NFAT5: variants seen among roughly 807,000 people sequenced by gnomAD.
NFAT5 encodes the protein nuclear factor of activated T cells 5.
Under a neutral mutation model 166.5 loss-of-function variants are expected in NFAT5, and 31 were observed. The observed-to-expected ratio is 0.19, with a 90% CI of 0.14 to 0.25. The LOEUF (loss-of-function observed/expected upper bound fraction) is 0.25. Ranked by LOEUF, NFAT5 falls within the 10% of genes least tolerant of loss-of-function variation. NFAT5 has a pLI of 1.00. For missense variants in NFAT5, 1,449 were observed against 1,821.8 expected (o/e 0.80, Z 3.72); for synonymous variants, 612 against 639.7 (o/e 0.96, Z 0.65).
At chr16:69,604,986 A>C (rs1210666655) in intron 2 of NFAT5, among the ~76,000 whole-genome samples, 1 of 152,200 alleles carries the variant, frequency 6.6e-6, no homozygotes, top group East Asian at 1.9e-4. Context: ...CCTTCTGGCC[A>C]TTGTGAATAG....
At chr16:69,603,938 C>A (rs1436140683) in intron 2 of NFAT5, among the ~76,000 whole-genome samples, 1 of 152,122 alleles carries the variant, frequency 6.6e-6, no homozygotes, top group African/African-American at 2.4e-5. Context: ...AAATTTCCAA[C>A]AACATTAATT....
chr16:69,635,683 G>A (rs1042263923), intron 3 of NFAT5, among the ~76,000 whole-genome samples: 5 of 152,184 alleles, frequency 3.3e-5, no homozygotes, highest in Non-Finnish European at 5.9e-5. Context: ...TGAGGAAGAA[G>A]CAAAAGCAGA....
At chr16:69,675,624 C>G (rs1028894102) in intron 9 of NFAT5, among the ~76,000 whole-genome samples, 3 of 152,080 alleles carry the variant, frequency 2.0e-5, no homozygotes, top group Admixed American at 1.3e-4. Context: ...AAATTAGAAG[C>G]TAGTTTTTTG....
chr16:69,576,456 A>C lies in NFAT5; in HGVS notation c.127+7908A>C, dbSNP rs968808689. Among the ~76,000 whole-genome samples, 16 of 152,294 alleles carry C rather than the reference A, an allele frequency of 1.1e-4. 2 individuals are homozygous for C. Among genetic ancestry groups the C allele is most frequent in the East Asian group, 3.9e-4 (2 of 5,186 alleles). On this transcript the variant is annotated intron_variant, in intron 2 of 14. Transcript: ENST00000349945. ...GACAAATTTTATAAACTACATACAAAAATTCATAAAGAATATGATTATGAC... is the reference window on the plus strand; with the variant it reads ...GACAAATTTTATAAACTACATACAACAATTCATAAAGAATATGATTATGAC...
chr16:69,663,906 T>A (rs2036253248), intron 7 of NFAT5, among the ~76,000 whole-genome samples: 1 of 151,876 alleles, frequency 6.6e-6, no homozygotes, highest in South Asian at 2.1e-4. Context: ...AAAGAAAAAA[T>A]TTTCATATCT....
At position 69,677,768 on chromosome 16, in the gene NFAT5, C is replaced by A. The variant is rs375942489; in HGVS notation, c.1690+433C>A. ...GTGACAGGTGATAAAATAAAAAATC[C>A]CAAAGACTGATGGTGAATAAATATT... is the stretch of plus-strand genomic sequence containing the variant. On this transcript the variant is annotated intron_variant, in intron 10 of 14. Coordinates refer to ENST00000349945, the MANE Select transcript of NFAT5 (RefSeq NM_138713.4). 3.2e-4 allele frequency among the ~76,000 whole-genome samples: 48 copies of A among 152,150 alleles called. No individual in the cohort carries two copies. In the South Asian group the frequency reaches 4.4e-3, roughly 14 times the overall value.
chr16:69,660,036 A>C, intron 7 of NFAT5, 137 bp downstream of exon 7: 1 of 740,990 alleles, frequency 1.3e-6, no homozygotes, highest in Non-Finnish European at 2.1e-6. Flanking sequence ...TTTTAAAAGC[A>C]GTAGTCAGAT....
intron 13 of NFAT5, among the ~76,000 whole-genome samples, chr16:69,694,550 T>C (rs1023303001): frequency 6.6e-6 from 1 of 152,218 alleles, no homozygotes; most frequent in Non-Finnish European, 1.5e-5. Context: ...CCACCACACC[T>C]GTCCTGTATA....
intron 2 of NFAT5, among the ~76,000 whole-genome samples, chr16:69,615,374 C>T (rs1001015184): frequency 3.9e-5 from 6 of 152,076 alleles, no homozygotes; most frequent in Non-Finnish European, 8.8e-5. Context: ...GATATGCCCC[C>T]GTAATTCTTT....
chr16:69,652,173 C>A (rs1223844447), intron 4 of NFAT5, among the ~76,000 whole-genome samples: 1 of 151,800 alleles, frequency 6.6e-6, no homozygotes, highest in East Asian at 1.9e-4. Flanking sequence ...AAATAAGGGC[C>A]AGGTGCAGTG....
chr16:69,666,720 G>T, intron 7 of NFAT5, among the ~76,000 whole-genome samples: 1 of 151,492 alleles, frequency 6.6e-6, no homozygotes, highest in Non-Finnish European at 1.5e-5. Context: ...TTACACTGTT[G>T]GTGGGACTGT....
chr16:69,687,239 G>A (rs747469039), intron 11 of NFAT5, among the ~76,000 whole-genome samples: 2 of 152,138 alleles, frequency 1.3e-5, no homozygotes, highest in Non-Finnish European at 2.9e-5. Context: ...TCAGGAGTTT[G>A]AGACCTACCT....
chr16:69,681,538 A>G (rs1480445900), intron 10 of NFAT5, among the ~76,000 whole-genome samples: 3 of 152,082 alleles, frequency 2.0e-5, no homozygotes, highest in Admixed American at 6.6e-5. Flanking sequence ...GCTCCATCCT[A>G]TACTTGGAAG....
intron 3 of NFAT5, among the ~76,000 whole-genome samples, chr16:69,642,460 T>C (rs1231499813): frequency 6.6e-6 from 1 of 152,242 alleles, no homozygotes; most frequent in Non-Finnish European, 1.5e-5. Context: ...AATTATAGAA[T>C]GGTCTATTAA....
intron 3 of NFAT5, among the ~76,000 whole-genome samples, chr16:69,644,146 A>G (rs925575784): frequency 6.6e-5 from 10 of 152,042 alleles, no homozygotes; most frequent in African/African-American, 2.4e-4. Flanking sequence ...GTAGCCAGGC[A>G]TGGTGTTGTG....
At chr16:69,603,104 TA>T (rs924502931) in intron 2 of NFAT5, among the ~76,000 whole-genome samples, 8 of 152,090 alleles carry the variant, frequency 5.3e-5, no homozygotes, top group African/African-American at 1.9e-4. Flanking sequence ...TTTTATTTTT[TA>T]AAAAAACAGG....
intron 9 of NFAT5, among the ~76,000 whole-genome samples, chr16:69,672,910 A>G (rs1470420868): frequency 6.6e-6 from 1 of 152,204 alleles, no homozygotes; most frequent in Admixed American, 6.5e-5. Context: ...TGCCTTATAA[A>G]TTATACAAAA....
rs922912169 is a variant in NFAT5 at position 69,692,236 on chromosome 16, G to A, written c.2411G>A (p.Ser804Asn). The A allele has an allele frequency of 1.2e-6, 2 of 1,614,192 alleles. No individual in the cohort carries two copies. The highest frequency in any genetic ancestry group is 2.2e-5 in the East Asian group (1 of 44,892). The change falls in exon 13 of 15, where the codon AGT (serine) becomes AAT (asparagine). Residue 804 changes from serine to asparagine, a missense_variant. Physicochemically the swap from Ser to Asn is conservative, Grantham distance 46. Around this residue, in one of 7 missense-constraint regions of NFAT5, gnomAD observed 891 missense variants for 993.0 expected, o/e 0.90. Coordinates refer to ENST00000349945, the MANE Select transcript of NFAT5 (RefSeq NM_138713.4). ...CTGCAAGCAGGGAGTTTCACAGGCA[G>A]TACTGCTAGTGGCAGCAGTGGAAGT... ...QQLQAGSFTG[S>N]TASGSSGSVD...
At chr16:69,652,945 T>C (rs1272750418) in intron 4 of NFAT5, among the ~76,000 whole-genome samples, 1 of 151,230 alleles carries the variant, frequency 6.6e-6, no homozygotes, top group Non-Finnish European at 1.5e-5. Flanking sequence ...TCTCAGTTTA[T>C]TGCGCTCAAT....
Sources: allele counts gnomAD v4.1 joint callset (sites outside exome capture counted in the v4.1 genomes callset), GRCh38; gene constraint gnomAD v4.1.1; regional missense constraint gnomAD v4.1.1; transcripts MANE v1.5; gene names NCBI Gene and HGNC (gene_info 2026-07-23, HGNC 2026-07-21).